GBF1: variants seen among roughly 807,000 people sequenced by gnomAD.
GBF1 encodes the protein golgi brefeldin A resistant guanine nucleotide exchange factor 1, also known as Golgi-specific brefeldin A-resistance guanine nucleotide exchange factor 1.
Under a neutral mutation model 210.5 loss-of-function variants are expected in GBF1, and 114 were observed. That is an observed-to-expected ratio of 0.54 (90% CI 0.47 to 0.63). The LOEUF (loss-of-function observed/expected upper bound fraction) is 0.63. GBF1 is among the 30% of genes least tolerant of loss of function. GBF1 has a pLI of 0.00. For missense variants in GBF1, 1,851 were observed against 2,357.7 expected (o/e 0.79, Z 4.45); for synonymous variants, 850 against 889.2 (o/e 0.96, Z 0.78).
chr10:102,374,382 G>A (rs2060376453), intron 29 of GBF1, among the ~76,000 whole-genome samples: 1 of 152,054 alleles, frequency 6.6e-6, no homozygotes, highest in African/African-American at 2.4e-5. Flanking sequence ...GATTGCTAAG[G>A]ATTAGGGATG....
Position 102,368,804 on chromosome 10 carries a change from T to C in GBF1, c.2945T>C (p.Leu982Pro). Reference protein sequence around the residue: ...SDVFDNLIISLCKFTALSSES... With the variant: ...SDVFDNLIISPCKFTALSSES... ...GTGTTTGACAATCTCATCATCTCTCTATGCAAATTCACAGCTCTCAGCAGT... is the reference window on the plus strand; with the variant it reads ...GTGTTTGACAATCTCATCATCTCTCCATGCAAATTCACAGCTCTCAGCAGT... Residue 982 changes from leucine (L) to proline (P), a missense_variant, in exon 23 of 40, where the codon CTA becomes CCA. Transcript: ENST00000369983. The C allele has an allele frequency of 6.2e-7, 1 of 1,612,550 alleles. No individual in the cohort carries two copies. Among genetic ancestry groups the C allele is most frequent in the Non-Finnish European group, 8.5e-7 (1 of 1,178,616 alleles).
intron 33 of GBF1, among the ~76,000 whole-genome samples, chr10:102,378,707 G>A (rs561572195): frequency 3.3e-5 from 5 of 152,258 alleles, no homozygotes; most frequent in African/African-American, 9.6e-5. Flanking sequence ...ACTTTGGGAG[G>A]ACTATTGCTT....
chr10:102,352,371 G>C, intron 6 of GBF1, 87 bp from the exon 7 acceptor site: 1 of 916,636 alleles, frequency 1.1e-6, no homozygotes, highest in Non-Finnish European at 1.8e-6. Flanking sequence ...TGGTAAACAA[G>C]GTTTGGAGGG....
chr10:102,293,769 G>A (rs2993084), intron 3 of GBF1, among the ~76,000 whole-genome samples: 1 of 27,756 alleles, frequency 3.6e-5, no homozygotes, highest in Non-Finnish European at 6.2e-5. Context: ...AGTATGTTTT[G>A]TGTTTTTTTT....
chr10:102,330,955 T>C (rs1419235657), intron 3 of GBF1, among the ~76,000 whole-genome samples: 1 of 152,116 alleles, frequency 6.6e-6, no homozygotes, highest in East Asian at 1.9e-4. Context: ...TCTTATCTTT[T>C]GAAAGTGGAG....
chr10:102,289,392 G>T (rs962919199), intron 3 of GBF1, among the ~76,000 whole-genome samples: 4 of 152,158 alleles, frequency 2.6e-5, no homozygotes, highest in African/African-American at 9.7e-5. Flanking sequence ...CAGAGAACAG[G>T]GGTGAGGTTG....
rs1168363568 is a variant in GBF1 at position 102,370,901 on chromosome 10, G to C, written c.3660+41G>C. 3.2e-6 allele frequency: 5 copies of C among 1,578,422 alleles called. No individual in the cohort carries two copies. The Admixed American group carries it at 8.4e-5, about 27-fold the overall frequency. ...CTTGGAGAGTGGGCAGGTATGCAAGGGATTAAGGCCACAGTTGTCAATTAT... is the reference window on the plus strand; with the variant it reads ...CTTGGAGAGTGGGCAGGTATGCAAGCGATTAAGGCCACAGTTGTCAATTAT... On this transcript the variant is annotated intron_variant, in intron 29 of 39. Transcript: ENST00000369983.
chr10:102,382,217 G>C lies in GBF1; in HGVS notation c.5464G>C (p.Val1822Leu). The C allele has an allele frequency of 6.2e-6, 10 of 1,613,850 alleles. No individual in the cohort carries two copies. The highest frequency in any genetic ancestry group is 8.5e-6 in the Non-Finnish European group (10 of 1,179,782). The change falls in exon 40 of 40, where the codon GTG becomes CTG. Residue 1822 changes from valine (V) to leucine (L), a missense_variant. Physicochemically the swap from Val to Leu is conservative, Grantham distance 32. Transcript: ENST00000369983. The part of the protein sequence containing the change: ...QPLASPLQVG[V>L]PPMTLPIILN... ...CTTGGCCTCCCCACTGCAGGTGGGC[G>C]TGCCACCTATGACTCTGCCCATCAT...
intron 8 of GBF1, among the ~76,000 whole-genome samples, chr10:102,357,209 G>C (rs1278864929): frequency 6.6e-6 from 1 of 152,132 alleles, no homozygotes; most frequent in Non-Finnish European, 1.5e-5. Context: ...TATGTTAGCT[G>C]GGTGCAGTGG....
intron 33 of GBF1, among the ~76,000 whole-genome samples, chr10:102,377,729 A>C (rs984285766): frequency 6.6e-6 from 1 of 152,116 alleles, no homozygotes; most frequent in African/African-American, 2.4e-5. Flanking sequence ...AACTGATAAA[A>C]CTAAGTTTCC....
intron 14 of GBF1, 24 bp downstream of exon 14, chr10:102,361,936 C>T (rs1415109472): frequency 1.3e-6 from 2 of 1,485,786 alleles, no homozygotes. Flanking sequence ...TAACTGGCTT[C>T]TAGGAAAAAA....
chr10:102,250,602 G>A (rs1345933311), intron 1 of GBF1, among the ~76,000 whole-genome samples: 1 of 150,578 alleles, frequency 6.6e-6, no homozygotes, highest in African/African-American at 2.5e-5. Context: ...TCCTGCTTTG[G>A]CCTCCTAAAG....
At chr10:102,365,705 GTTCAAGACCAGCC>G (rs2059877813) in intron 18 of GBF1, 106 bp downstream of exon 18, 4 of 934,714 alleles carry the variant, frequency 4.3e-6, no homozygotes, top group Non-Finnish European at 3.5e-6. Flanking sequence ...GAGCTCAGGA[GTTCAAGACCAGCC>G]TGGGCAACAT....
At chr10:102,266,105 G>A (rs1168739580) in intron 3 of GBF1, among the ~76,000 whole-genome samples, 3 of 152,120 alleles carry the variant, frequency 2.0e-5, no homozygotes, top group Non-Finnish European at 4.4e-5. Context: ...CGGGCATGGT[G>A]GCAGGCGCCT....
chr10:102,317,386 A>T (rs753695481), intron 3 of GBF1, among the ~76,000 whole-genome samples: 2 of 152,188 alleles, frequency 1.3e-5, no homozygotes, highest in Non-Finnish European at 2.9e-5. Flanking sequence ...TGGGAGGCCA[A>T]GGTGGGTGGA....
the GBF1 span, among the ~76,000 whole-genome samples, chr10:102,233,966 ACT>A: frequency 3.3e-5 from 5 of 152,052 alleles, no homozygotes; most frequent in African/African-American, 9.6e-5. Flanking sequence ...GGGGCTCAAG[ACT>A]CTGGGTGCCT....
chr10:102,293,764 G>GTTTTTTATTTTTTT (rs1263151407), intron 3 of GBF1, among the ~76,000 whole-genome samples: 3 of 50,888 alleles, frequency 5.9e-5, no homozygotes, highest in Non-Finnish European at 1.3e-4. Flanking sequence ...GCTGTAGTAT[G>GTTTTTTATTTTTTT]TTTTGTGTTT....
At chr10:102,358,355 T>C (rs981828960) in intron 9 of GBF1, 151 bp from the exon 10 acceptor site, 4 of 782,686 alleles carry the variant, frequency 5.1e-6, no homozygotes, top group Non-Finnish European at 8.4e-6. Context: ...AACTATGCAG[T>C]GACTTAAGGT....
At chr10:102,299,606 A>T (rs1036808258) in intron 3 of GBF1, among the ~76,000 whole-genome samples, 1 of 152,160 alleles carries the variant, frequency 6.6e-6, no homozygotes, top group African/African-American at 2.4e-5. Context: ...AACATGGAGA[A>T]ACCCCGTCTC....
Sources: allele counts gnomAD v4.1 joint callset (sites outside exome capture counted in the v4.1 genomes callset), GRCh38; gene constraint gnomAD v4.1.1; transcripts MANE v1.5; gene names NCBI Gene and HGNC (gene_info 2026-07-23, HGNC 2026-07-21).